SRRD: variants seen among roughly 807,000 people sequenced by gnomAD.
The protein encoded by SRRD is SRR1 domain containing.
Under a neutral mutation model 30.7 loss-of-function variants are expected in SRRD, and 28 were observed. The ratio of observed to expected loss-of-function variants is 0.91; its 90% CI spans 0.68 to 1.25. The LOEUF is 1.25. SRRD is among the 50% of genes most tolerant of loss of function. The pLI, the probability that SRRD is intolerant of heterozygous loss-of-function variation, is 0.00. For synonymous variants in SRRD, 161 were observed against 159.6 expected, an observed-to-expected ratio of 1.01 and a Z score of -0.07; for missense variants, 415 against 417.3, an observed-to-expected ratio of 0.99 and a Z score of 0.05.
chr22:26,490,229 G>A, intron 5 of SRRD, 31 bp downstream of exon 5: 1 of 1,612,388 alleles, frequency 6.2e-7, no homozygotes, highest in African/African-American at 1.3e-5. Flanking sequence ...ATTCTGTCAG[G>A]CCCTGAGGTG....
intron 1 of SRRD, 148 bp downstream of exon 1, chr22:26,484,247 G>T: frequency 1.2e-6 from 1 of 862,056 alleles, no homozygotes; most frequent in Non-Finnish European, 1.7e-6. Context: ...CATTAAAGAT[G>T]TGGATTATAG....
chr22:26,489,708 G>A (rs865932709), intron 4 of SRRD, among the ~76,000 whole-genome samples: 1 of 152,070 alleles, frequency 6.6e-6, no homozygotes, highest in Non-Finnish European at 1.5e-5. Flanking sequence ...CTGAACACAG[G>A]GGAAATACAT....
At position 26,484,160 on chromosome 22, in the gene SRRD, C is replaced by T; in HGVS notation, c.209+61C>T. On this transcript the variant is annotated intron_variant, in intron 1 of 6. Coordinates refer to ENST00000215917, the MANE Select transcript of SRRD (RefSeq NM_001013694.3). The stretch of plus-strand genomic sequence containing the variant: ...CCCATGGGCAATTCTGAGCCACAGT[C>T]TCCCCATCTGTAGAGTGGAGATATA... 7 of 1,472,990 alleles carry T rather than the reference C, an allele frequency of 4.8e-6. No homozygotes were observed. The South Asian group carries it at 6.1e-5, about 13-fold the overall frequency. 91.2% of individuals were successfully genotyped at this position (1,472,990 alleles called of 1,614,324 possible).
chr22:26,488,321 C>G (rs764452665), intron 3 of SRRD, 33 bp downstream of exon 3: 113 of 1,613,250 alleles, frequency 7.0e-5, no homozygotes, highest in Non-Finnish European at 9.0e-5. Context: ...ATCTCCTCCT[C>G]CTCTGGTCCT....
In SRRD at chr22:26,494,019, A is replaced by T; in HGVS notation, c.*2347A>T. 1 of 1,170,030 alleles carries T rather than the reference A, an allele frequency of 8.5e-7. No individual in the cohort carries two copies. Among genetic ancestry groups the T allele is most frequent in the East Asian group, 2.5e-5 (1 of 40,724 alleles). The allele number at this position is 1,170,030 out of a possible 1,614,324, so 72.5% of individuals were successfully genotyped here. On this transcript the variant is annotated 3_prime_UTR_variant, in exon 7 of 7. Transcript: ENST00000215917. ...GGGTGAGAGTCTGTTGCTATGTGCA[A>T]AAGTGTGACCTAAGGTTTAGGCTGC...
At position 26,492,425 on chromosome 22, in the gene SRRD, G is replaced by C. The variant is rs1481367785; in HGVS notation, c.*753G>C. 1 of 1,533,852 alleles carries C rather than the reference G, an allele frequency of 6.5e-7. No individual in the cohort carries two copies. The highest frequency in any genetic ancestry group is 1.4e-5 in the African/African-American group (1 of 73,434). ...AGGTGTTTCCAGGTGTATGGAAGTTGACACTGTGGCTTGGCCCAGGTCTTG... is the reference window on the plus strand; with the variant it reads ...AGGTGTTTCCAGGTGTATGGAAGTTCACACTGTGGCTTGGCCCAGGTCTTG... On this transcript the variant is annotated 3_prime_UTR_variant, in exon 7 of 7. Transcript: ENST00000215917.
Position 26,492,452 on chromosome 22 carries a change from G to T in SRRD, c.*780G>T. 7.9e-7 allele frequency: 1 copy of T among 1,264,106 alleles called. No individual in the cohort carries two copies. The highest frequency in any genetic ancestry group is 1.1e-6 in the Non-Finnish European group (1 of 887,754). The allele number at this position is 1,264,106 out of a possible 1,614,324, so 78.3% of individuals were successfully genotyped here. A position where few individuals can be genotyped will look rare whatever the true frequency, so the allele number is the denominator to read the frequency against. On this transcript the variant is annotated 3_prime_UTR_variant, in exon 7 of 7. Coordinates refer to ENST00000215917, the MANE Select transcript of SRRD (RefSeq NM_001013694.3). Reference sequence around the variant, plus strand: ...CACTGTGGCTTGGCCCAGGTCTTGGGTGTGCCAGAGTGCTTGTGACTCACT... The same window carrying T: ...CACTGTGGCTTGGCCCAGGTCTTGGTTGTGCCAGAGTGCTTGTGACTCACT...
rs981173997 is a variant in SRRD, at chr22:26,492,743, G to C, written c.*1071G>C. 7 of 220,890 alleles carry C rather than the reference G, an allele frequency of 3.2e-5. No homozygotes were observed. Among genetic ancestry groups the C allele is most frequent in the East Asian group, 2.1e-4 (2 of 9,368 alleles). The allele number at this position is 220,890 out of a possible 1,614,324, so 13.7% of individuals were successfully genotyped here. A position where few individuals can be genotyped will look rare whatever the true frequency, so the allele number is the denominator to read the frequency against. On this transcript the variant is annotated 3_prime_UTR_variant, in exon 7 of 7. Transcript: ENST00000215917. ...CCAAAGAGGCAGCTTTTAGTACCTT[G>C]AAAACATAGGGCCCATACTGGCTTT...
intron 5 of SRRD, among the ~76,000 whole-genome samples, chr22:26,490,559 C>CTTTTTTTTTGTTTTTTTTT (rs1921028728): frequency 1.9e-5 from 1 of 51,834 alleles, no homozygotes; most frequent in Non-Finnish European, 3.4e-5. Flanking sequence ...GGAATATTTG[C>CTTTTTTTTTGTTTTTTTTT]TTTTTTTTTT....
Position 26,492,143 on chromosome 22 carries a change from C to T in SRRD, c.*471C>T. ...GGTGTAGAGCTGCTTCCCTTCGTGT[C>T]GCTTCCCAATGACGGGCATGAAGAC... On this transcript the variant is annotated 3_prime_UTR_variant, in exon 7 of 7. Transcript: ENST00000215917. 1 of 1,613,650 alleles carries T rather than the reference C, an allele frequency of 6.2e-7. No homozygotes were observed. Among genetic ancestry groups the T allele is most frequent in the Non-Finnish European group, 8.5e-7 (1 of 1,179,862 alleles).
chr22:26,494,657 A>C lies in SRRD; in HGVS notation c.*2985A>C, dbSNP rs879597117. 82 of 1,206,336 alleles carry C rather than the reference A, an allele frequency of 6.8e-5. No individual in the cohort carries two copies. The highest frequency in any genetic ancestry group is 8.8e-5 in the Non-Finnish European group (76 of 865,232). The allele number at this position is 1,206,336 out of a possible 1,614,324, so 74.7% of individuals were successfully genotyped here. A position where few individuals can be genotyped will look rare whatever the true frequency, so the allele number is the denominator to read the frequency against. ...TGTCCAATAAATGGTGCCCACTATG[A>C]AGATGACCTAACTCATTCCTACCCT... On this transcript the variant is annotated 3_prime_UTR_variant, in exon 7 of 7. Coordinates refer to ENST00000215917, the MANE Select transcript of SRRD (RefSeq NM_001013694.3).
intron 4 of SRRD, among the ~76,000 whole-genome samples, chr22:26,489,011 A>G (rs1228262116): frequency 6.6e-6 from 1 of 152,366 alleles, no homozygotes; most frequent in East Asian, 1.9e-4. Flanking sequence ...AAAGAAATGC[A>G]TCCCTAAAGC....
At position 26,486,055 on chromosome 22, in the gene SRRD, C is replaced by T. The variant is rs765235156; in HGVS notation, c.242C>T (p.Ser81Leu). The change falls in exon 2 of 7, where the codon TCA becomes TTA. Residue 81 changes from serine to leucine, a missense_variant. Transcript: ENST00000215917. ...CTGTTTATCTCTGATTTCTGGAGTT[C>T]AGCACTAGGTGGGTACCACTTGGCC... The part of the protein sequence containing the change: ...KDLFISDFWS[S>L]ALETINRCLT... The T allele has an allele frequency of 8.7e-6, 14 of 1,613,984 alleles. No homozygotes were observed. In the Admixed American group the frequency reaches 2.3e-4, roughly 27 times the overall value.
rs2091702767 is a variant in SRRD, at chr22:26,485,809, A to G, written c.210-214A>G. ...TCTCTGGGAATCAAGGACCTCCTCC[A>G]GCATACTCTCTCCTGCAGTCTCTGA... On this transcript the variant is annotated intron_variant, in intron 1 of 6. Transcript: ENST00000215917. 1.3e-5 allele frequency among the ~76,000 whole-genome samples: 2 copies of G among 152,214 alleles called. 1 individual carries two copies. Among genetic ancestry groups the G allele is most frequent in the South Asian group, 4.1e-4 (2 of 4,834 alleles).
At chr22:26,491,192 T>G (rs1421963344) in intron 6 of SRRD, 122 bp downstream of exon 6, 14 of 982,360 alleles carry the variant, frequency 1.4e-5, no homozygotes, top group Non-Finnish European at 1.9e-5. Flanking sequence ...CTGTCAGCTC[T>G]CTCCATGGGT....
At position 26,488,211 on chromosome 22, in the gene SRRD, G is replaced by A. The variant is rs1184319180; in HGVS notation, c.433G>A (p.Gly145Ser). Residue 145 changes from glycine to serine, a missense_variant, in exon 3 of 7, where the codon GGC becomes AGC. By Grantham distance (56) the Gly-to-Ser change is moderately conservative. Transcript: ENST00000215917. ...CTGCCATTTGAAGTGTGTGTGTTAC[G>A]GCATTGGGAACTTTGCCACCTGCAT... The part of the protein sequence containing the change: ...GTCHLKCVCY[G>S]IGNFATCIVA... The A allele has an allele frequency of 7.4e-6, 12 of 1,614,046 alleles. No homozygotes were observed. Among genetic ancestry groups the A allele is most frequent in the Admixed American group, 3.3e-5 (2 of 59,994 alleles).
chr22:26,486,289 A>G (rs1314802769), intron 2 of SRRD, among the ~76,000 whole-genome samples: 1 of 152,182 alleles, frequency 6.6e-6, no homozygotes, highest in Non-Finnish European at 1.5e-5. Flanking sequence ...CTGTTTAGTT[A>G]AATGCTTGCC....
At position 26,488,471 on chromosome 22, in the gene SRRD, G is replaced by C. The variant is rs199875224; in HGVS notation, c.592G>C (p.Val198Leu). 6.2e-7 allele frequency: 1 copy of C among 1,613,892 alleles called. No homozygotes were observed. Among genetic ancestry groups the C allele is most frequent in the South Asian group, 1.1e-5 (1 of 91,074 alleles). Residue 198 changes from valine to leucine, a missense_variant, in exon 4 of 7, where the codon GTT (valine) becomes CTT (leucine). Coordinates refer to ENST00000215917, the MANE Select transcript of SRRD (RefSeq NM_001013694.3). Reference sequence around the variant, plus strand: ...AGTCCTTAACACCCTTGGTGTGACTGTTCTCAGTGAGAACGAGGTAAGTGG... The same window carrying C: ...AGTCCTTAACACCCTTGGTGTGACTCTTCTCAGTGAGAACGAGGTAAGTGG... The part of the protein sequence containing the change: ...IEVLNTLGVT[V>L]LSENEEGKRS...
Position 26,492,737 on chromosome 22 carries a change from T to A in SRRD, c.*1065T>A. The stretch of plus-strand genomic sequence containing the variant: ...CCACCACCAAAGAGGCAGCTTTTAG[T>A]ACCTTGAAAACATAGGGCCCATACT... On this transcript the variant is annotated 3_prime_UTR_variant, in exon 7 of 7. Coordinates refer to ENST00000215917, the MANE Select transcript of SRRD (RefSeq NM_001013694.3). The A allele has an allele frequency of 4.4e-6, 1 of 228,810 alleles. No homozygotes were observed. Among genetic ancestry groups the A allele is most frequent in the East Asian group, 1.0e-4 (1 of 9,658 alleles). 14.2% of individuals were successfully genotyped at this position (228,810 alleles called of 1,614,324 possible).
Sources: allele counts gnomAD v4.1 joint callset (sites outside exome capture counted in the v4.1 genomes callset), GRCh38; gene constraint gnomAD v4.1.1; transcripts MANE v1.5; gene names NCBI Gene and HGNC (gene_info 2026-07-23, HGNC 2026-07-21).